Variants in GPR161 observed in about 807,000 individuals in gnomAD.
GPR161 encodes the protein G protein-coupled receptor 161.
GPR161 carries 25 observed loss-of-function variants against 39.2 expected under a neutral mutation model. The observed-to-expected ratio is 0.64, with a 90% CI of 0.47 to 0.89. GPR161 has a LOEUF of 0.89. Among genes scored for constraint, GPR161 ranks in the 40% least tolerant of loss-of-function variants. The pLI, the probability that GPR161 is intolerant of heterozygous loss-of-function variation, is 0.00. For missense variants in GPR161, 547 were observed against 677.8 expected (o/e 0.81, Z 2.14); for synonymous variants, 286 against 276.6 (o/e 1.03, Z -0.34).
chr1:168,123,137 A>C (rs1318304262), intron 1 of GPR161, among the ~76,000 whole-genome samples: 1 of 152,156 alleles, frequency 6.6e-6, no homozygotes, highest in East Asian at 1.9e-4. Context: ...GGGGTACCAA[A>C]TGTGCCTACA....
intron 2 of GPR161, among the ~76,000 whole-genome samples, chr1:168,101,800 TTTTTC>T (rs778640076): frequency 2.0e-5 from 3 of 152,148 alleles, no homozygotes; most frequent in African/African-American, 4.8e-5. Context: ...TTCTACTTTC[TTTTTC>T]TTTTCTTTTC....
At chr1:168,099,679 A>G (rs1477185334) in intron 2 of GPR161, among the ~76,000 whole-genome samples, 3 of 152,294 alleles carry the variant, frequency 2.0e-5, no homozygotes, top group African/African-American at 7.2e-5. Context: ...GATTTCTGCC[A>G]GCTGCATCCT....
intron 3 of GPR161, among the ~76,000 whole-genome samples, chr1:168,092,773 T>A (rs2102122867): frequency 6.6e-6 from 1 of 152,296 alleles, no homozygotes; most frequent in Non-Finnish European, 1.5e-5. Flanking sequence ...GGGGTCACCC[T>A]CCCCGCCCTC....
chr1:168,087,628 T>C lies in GPR161; in HGVS notation c.1281A>G (p.Arg427=), dbSNP rs769367186. 7 of 1,614,102 alleles carry C rather than the reference T, an allele frequency of 4.3e-6. No individual in the cohort carries two copies. The highest frequency in any genetic ancestry group is 1.3e-5 in the African/African-American group (1 of 75,024). ...CATCCTCAAATGTCACCGAGCTCCT[T>C]CTCTTGGGTGGGCAAGTGCAGTGAG... ...PPSHCTCPPK[R]RSSVTFEDEV... The change falls in exon 5 of 6, where the codon AGA becomes AGG. Residue 427 remains arginine, a synonymous_variant. Coordinates refer to ENST00000682931, the MANE Select transcript of GPR161 (RefSeq NM_001375883.1).
chr1:168,101,991 T>C (rs1270243870), intron 2 of GPR161, among the ~76,000 whole-genome samples: 1 of 152,062 alleles, frequency 6.6e-6, no homozygotes. Flanking sequence ...TTAGTAGAGA[T>C]GGGGTTTCAC....
intron 5 of GPR161, 65 bp from the exon 6 acceptor site, chr1:168,085,861 A>C: frequency 7.0e-7 from 1 of 1,419,588 alleles, no homozygotes. Flanking sequence ...CTTGGGGACA[A>C]GCCTGCTGCT....
rs146869277 is a variant in GPR161, at chr1:168,130,264, G to A, written c.-45+6475C>T. Reference sequence around the variant, plus strand: ...CCCTTTTCACACACCACATCCATGTGGCTTCATGGATGTGGACACATGACC... The same window carrying A: ...CCCTTTTCACACACCACATCCATGTAGCTTCATGGATGTGGACACATGACC... On this transcript the variant is annotated intron_variant, in intron 1 of 5. Transcript: ENST00000682931. Among the ~76,000 whole-genome samples the A allele has an allele frequency of 4.1e-3, 626 of 152,262 alleles. 5 individuals are homozygous for A. The highest frequency in any genetic ancestry group is 0.015 in the African/African-American group (603 of 41,546).
At chr1:168,136,980 C>T (rs1382103016), upstream of GPR161, 102 of 872,646 alleles carry the variant, frequency 1.2e-4, no homozygotes, top group Admixed American at 2.4e-4. Context: ...CCCGGCCGGG[C>T]CCCTCCGGCC....
At chr1:168,113,945 A>G (rs1426220512) in intron 1 of GPR161, among the ~76,000 whole-genome samples, 1 of 152,210 alleles carries the variant, frequency 6.6e-6, no homozygotes, top group African/African-American at 2.4e-5. Flanking sequence ...TACCTATATA[A>G]CAAACCTGCA....
At chr1:168,105,690 A>G (rs968835130) in intron 1 of GPR161, among the ~76,000 whole-genome samples, 4 of 152,370 alleles carry the variant, frequency 2.6e-5, no homozygotes, top group Middle Eastern at 3.4e-3. Flanking sequence ...ATCACTGTCT[A>G]TAAGGTGCAG....
chr1:168,087,033 G>T (rs1694574322), intron 5 of GPR161, among the ~76,000 whole-genome samples: 1 of 152,202 alleles, frequency 6.6e-6, no homozygotes, highest in South Asian at 2.1e-4. Context: ...TGTCTGGATG[G>T]GAAACGAATT....
chr1:168,108,486 T>TAAAAAAAAAAAA (rs10670498), intron 1 of GPR161, among the ~76,000 whole-genome samples: 2,165 of 17,388 alleles, frequency 0.12, 556 homozygotes, highest in East Asian at 0.26. Flanking sequence ...GCCCTAGTTG[T>TAAAAAAAAAAAA]AAAAAAAAAA....
chr1:168,130,701 T>G (rs1312759183), intron 1 of GPR161, among the ~76,000 whole-genome samples: 1 of 152,208 alleles, frequency 6.6e-6, no homozygotes. Context: ...ATGTATAGCC[T>G]AGAAACTCTT....
chr1:168,088,910 T>C (rs275146), intron 4 of GPR161: 12,070 of 152,244 alleles, frequency 0.079, 1,540 homozygotes, highest in African/African-American at 0.27. Context: ...CTCCCCTACC[T>C]ATAGCAGCCC....
At chr1:168,107,537 C>T (rs1436576420) in intron 1 of GPR161, among the ~76,000 whole-genome samples, 1 of 152,190 alleles carries the variant, frequency 6.6e-6, no homozygotes, top group African/African-American at 2.4e-5. Context: ...AGCGTCCCCA[C>T]CAACAAGAAG....
At chr1:168,104,987 G>A (rs1382880669) in intron 1 of GPR161, 93 bp from the exon 2 acceptor site, 6 of 938,632 alleles carry the variant, frequency 6.4e-6, no homozygotes, top group Non-Finnish European at 8.0e-6. Context: ...GGGGTTAAGT[G>A]CTACGCCTCA....
intron 1 of GPR161, among the ~76,000 whole-genome samples, chr1:168,130,641 A>G (rs1004398437): frequency 2.6e-5 from 4 of 152,284 alleles, no homozygotes; most frequent in African/African-American, 4.8e-5. Context: ...TCTTCTCTCT[A>G]TATGTTCCCT....
intron 1 of GPR161, among the ~76,000 whole-genome samples, chr1:168,107,529 C>T (rs1054853633): frequency 1.3e-5 from 2 of 152,190 alleles, no homozygotes; most frequent in African/African-American, 4.8e-5. Flanking sequence ...GATTCTACAG[C>T]GTCCCCACCA....
chr1:168,085,498 C>T lies in GPR161; in HGVS notation c.*33G>A. ...TGGGAACTCCTCCCCGGGCCAGCCT[C>T]TCAGGCTGCAGCCCCACGGCACCCT... On this transcript the variant is annotated 3_prime_UTR_variant, in exon 6 of 6. Transcript: ENST00000682931. The T allele has an allele frequency of 6.3e-7, 1 of 1,589,966 alleles. No individual in the cohort carries two copies. The highest frequency in any genetic ancestry group is 8.6e-7 in the Non-Finnish European group (1 of 1,163,816).
Sources: allele counts gnomAD v4.1 joint callset (sites outside exome capture counted in the v4.1 genomes callset), GRCh38; gene constraint gnomAD v4.1.1; transcripts MANE v1.5; gene names NCBI Gene and HGNC (gene_info 2026-07-23, HGNC 2026-07-21).